DOCK4: variants seen among roughly 807,000 people sequenced by gnomAD.
The protein encoded by DOCK4 is dedicator of cytokinesis 4.
DOCK4 carries 97 observed loss-of-function variants against 268.1 expected under a neutral mutation model. The ratio of observed to expected loss-of-function variants is 0.36; its 90% CI spans 0.31 to 0.43. The LOEUF is 0.43. DOCK4 is among the 20% of genes least tolerant of loss of function. DOCK4 has a pLI of 1.00. For missense variants in DOCK4, 2,145 were observed against 2,455.7 expected (o/e 0.87, Z 2.67); for synonymous variants, 954 against 887.2 (o/e 1.08, Z -1.34).
Position 111,886,536 on chromosome 7 carries a change from T to A in DOCK4, c.1587+9076A>T, listed in dbSNP as rs1327065523. Among the ~76,000 whole-genome samples, 9 of 152,102 alleles carry A rather than the reference T, an allele frequency of 5.9e-5. No homozygotes were observed. In the East Asian group the frequency reaches 1.7e-3, roughly 29 times the overall value. ...AGGAAGACCTTATCGAAAAGGATGG[T>A]CTTTGATCTGAGGTCAAAGGACTAT... On this transcript the variant is annotated intron_variant, in intron 16 of 52. Transcript: ENST00000428084.
chr7:111,810,957 G>GC, intron 28 of DOCK4, among the ~76,000 whole-genome samples: 1 of 152,294 alleles, frequency 6.6e-6, no homozygotes, highest in East Asian at 1.9e-4. Context: ...AGCCGAGACT[G>GC]CGTCACTGCA....
intron 1 of DOCK4, among the ~76,000 whole-genome samples, chr7:112,126,028 T>C (rs1012792809): frequency 1.3e-5 from 2 of 152,200 alleles, no homozygotes; most frequent in Non-Finnish European, 2.9e-5. Context: ...CTCAAACTCC[T>C]GGGCTCAAGT....
intron 42 of DOCK4, among the ~76,000 whole-genome samples, chr7:111,752,806 T>C (rs968309428): frequency 6.6e-6 from 1 of 152,080 alleles, no homozygotes; most frequent in Admixed American, 6.6e-5. Flanking sequence ...TAGGCTGGTC[T>C]TGAATTCCTG....
At chr7:111,859,933 T>C (rs921932188) in intron 23 of DOCK4, among the ~76,000 whole-genome samples, 3 of 152,202 alleles carry the variant, frequency 2.0e-5, no homozygotes, top group African/African-American at 7.2e-5. Flanking sequence ...TTGTTTTGAG[T>C]GGACAACTGG....
rs201187591 is a variant in DOCK4 at position 111,887,846 on chromosome 7, G to GCA, written c.1587+7765_1587+7766insTG. ...ATGCAGGAGGAAGAGAGAGGACATT[G>GCA]GGAGGGGCAGGGTCCCAGAAGAGTC... On this transcript the variant is annotated intron_variant, in intron 16 of 52. Transcript: ENST00000428084. Among the ~76,000 whole-genome samples, 746 of 152,002 alleles carry GCA rather than the reference G, an allele frequency of 4.9e-3. 10 individuals carry two copies. Among genetic ancestry groups the GCA allele is most frequent in the African/African-American group, 0.017 (712 of 41,404 alleles).
At chr7:111,878,359 A>G (rs186649408) in intron 16 of DOCK4, among the ~76,000 whole-genome samples, 83 of 152,348 alleles carry the variant, frequency 5.4e-4, no homozygotes, top group African/African-American at 1.7e-3. Flanking sequence ...AAATTGGTGG[A>G]TTAAAAATAA....
rs73715275 is a variant in DOCK4 at position 111,833,848 on chromosome 7, T to C, written c.2835+740A>G. 7.0e-3 allele frequency among the ~76,000 whole-genome samples: 1,072 copies of C among 152,356 alleles called. 10 individuals carry two copies. The highest frequency in any genetic ancestry group is 0.024 in the African/African-American group (1,018 of 41,586). On this transcript the variant is annotated intron_variant, in intron 26 of 52. Transcript: ENST00000428084. ...TAGCAGAACTGTACTTTTGGTCCTA[T>C]AATTCTCCACCACCCAGCTTAAAAG...
chr7:111,883,152 A>T (rs1226307403), intron 16 of DOCK4, among the ~76,000 whole-genome samples: 2 of 152,246 alleles, frequency 1.3e-5, no homozygotes, highest in African/African-American at 4.8e-5. Context: ...AAGAATAATT[A>T]TAAAGTGAAT....
At chr7:112,056,740 T>A (rs1805851967) in intron 1 of DOCK4, among the ~76,000 whole-genome samples, 1 of 152,160 alleles carries the variant, frequency 6.6e-6, no homozygotes, top group Non-Finnish European at 1.5e-5. Context: ...ACTAATAATA[T>A]AAGCATGTGC....
chr7:111,768,589 A>T (rs1797913033), intron 37 of DOCK4, among the ~76,000 whole-genome samples: 1 of 148,400 alleles, frequency 6.7e-6, no homozygotes, highest in African/African-American at 2.6e-5. Context: ...AGATTCATGA[A>T]TTTTTTAAAA....
intron 1 of DOCK4, among the ~76,000 whole-genome samples, chr7:112,089,954 A>C (rs1809475873): frequency 6.6e-6 from 1 of 152,202 alleles, no homozygotes; most frequent in Non-Finnish European, 1.5e-5. Context: ...CATTGAACTA[A>C]TCCAAATCTT....
At chr7:111,822,544 GTTA>G in intron 26 of DOCK4, 88 bp from the exon 27 acceptor site, 1 of 1,152,370 alleles carries the variant, frequency 8.7e-7, no homozygotes. Context: ...CTGTTGTACT[GTTA>G]CCATTTCCAA....
chr7:111,888,879 C>G (rs1038936437), intron 16 of DOCK4, among the ~76,000 whole-genome samples: 1 of 152,008 alleles, frequency 6.6e-6, no homozygotes, highest in Admixed American at 6.6e-5. Flanking sequence ...CTCTGGAAAG[C>G]GTTAGGGTAT....
intron 39 of DOCK4, among the ~76,000 whole-genome samples, chr7:111,764,890 C>T (rs1297367000): frequency 6.6e-6 from 1 of 151,354 alleles, no homozygotes; most frequent in African/African-American, 2.4e-5. Flanking sequence ...CTATAATTAT[C>T]AAAGATTGCT....
chr7:111,800,755 C>T (rs1306178148), intron 30 of DOCK4, among the ~76,000 whole-genome samples: 1 of 152,142 alleles, frequency 6.6e-6, no homozygotes, highest in African/African-American at 2.4e-5. Context: ...CTTCCAAAAA[C>T]CCTTAAATCA....
At chr7:111,879,328 G>C (rs1048418728) in intron 16 of DOCK4, among the ~76,000 whole-genome samples, 2 of 152,112 alleles carry the variant, frequency 1.3e-5, no homozygotes, top group Non-Finnish European at 2.9e-5. Context: ...GTGTTACCCA[G>C]GGAGTATGCT....
At chr7:112,149,876 T>C (rs1218451955) in intron 1 of DOCK4, among the ~76,000 whole-genome samples, 1 of 152,162 alleles carries the variant, frequency 6.6e-6, no homozygotes, top group African/African-American at 2.4e-5. Context: ...AAAAGGCTTA[T>C]GGGCCAGGTT....
At chr7:111,911,837 C>T (rs1792130580) in intron 13 of DOCK4, among the ~76,000 whole-genome samples, 1 of 151,990 alleles carries the variant, frequency 6.6e-6, no homozygotes, top group Non-Finnish European at 1.5e-5. Context: ...TAGATTTGCC[C>T]ATCAATTTGC....
chr7:111,994,365 G>A (rs1475396591), intron 4 of DOCK4, 134 bp from the exon 5 acceptor site: 5 of 537,288 alleles, frequency 9.3e-6, no homozygotes, highest in African/African-American at 5.7e-5. Flanking sequence ...CCAGGATCTG[G>A]TTATAAGTTA....
Sources: gnomAD v4.1 joint callset for allele counts (sites outside exome capture counted in the v4.1 genomes callset) on GRCh38, gnomAD v4.1.1 for gene constraint, MANE v1.5 for transcripts, NCBI Gene and HGNC (gene_info 2026-07-23, HGNC 2026-07-21) for gene names.